The following AASDH variants were observed in gnomAD, a reference collection of about 807,000 sequenced individuals.
AASDH encodes the protein beta-alanine-activating enzyme.
Under a neutral mutation model 102.3 loss-of-function variants are expected in AASDH, and 81 were observed. The ratio of observed to expected loss-of-function variants is 0.79; its 90% confidence interval spans 0.66 to 0.95. The LOEUF is 0.95. Ranked by LOEUF, AASDH falls within the 40% of genes least tolerant of loss-of-function variation. The pLI, the probability that AASDH is intolerant of heterozygous loss-of-function variation, is 0.00. For missense variants in AASDH, 1,203 were observed against 1,266.2 expected, an observed-to-expected ratio of 0.95 and a Z score of 0.76; for synonymous variants, 398 against 454.0, an observed-to-expected ratio of 0.88 and a Z score of 1.57.
intron 5 of AASDH, chr4:56,356,260 A>G (rs4865090): frequency 0.62 from 570,259 of 919,316 alleles, 178,191 homozygotes; most frequent in Admixed American, 0.72. Context: ...GCACTGAGCA[A>G]GACATCCAGC....
At position 56,338,691 on chromosome 4, in the gene AASDH, C is replaced by T. The variant is rs535887461; in HGVS notation, c.3008G>A (p.Cys1003Tyr). Residue 1003 changes from cysteine (C) to tyrosine (Y), a missense_variant, in exon 15 of 15, where the codon TGT becomes TAT. Coordinates refer to ENST00000205214, the MANE Select transcript of AASDH (RefSeq NM_181806.4). ...FFGSHDCFIY[C>Y]CNMKGHLQWK... Reference sequence around the variant, plus strand: ...CTGCAGGTGACCTTTCATGTTACAACAGTAGATAAAGCAATCATGGGAACC... The same window carrying T: ...CTGCAGGTGACCTTTCATGTTACAATAGTAGATAAAGCAATCATGGGAACC... 1.9e-6 allele frequency: 3 copies of T among 1,614,134 alleles called. No individual in the cohort carries two copies. The highest frequency in any genetic ancestry group is 4.5e-5 in the East Asian group (2 of 44,876).
intron 11 of AASDH, among the ~76,000 whole-genome samples, chr4:56,348,474 C>T (rs1014194114): frequency 1.3e-5 from 2 of 152,058 alleles, no homozygotes; most frequent in African/African-American, 4.8e-5. Context: ...AGGCTGGTCT[C>T]GAACTCCTGG....
At chr4:56,385,275 T>C (rs1031139253) in intron 1 of AASDH, among the ~76,000 whole-genome samples, 2 of 152,214 alleles carry the variant, frequency 1.3e-5, no homozygotes, top group Non-Finnish European at 2.9e-5. Flanking sequence ...ATTAATATTT[T>C]ACAGAAGTCA....
At chr4:56,355,502 G>A (rs1577991774) in intron 5 of AASDH, 79 bp from the exon 6 acceptor site, 3 of 1,288,168 alleles carry the variant, frequency 2.3e-6, no homozygotes, top group Non-Finnish European at 3.1e-6. Flanking sequence ...TTATTTCAAA[G>A]TTAACATTTG....
intron 5 of AASDH, among the ~76,000 whole-genome samples, chr4:56,362,877 C>T (rs919632615): frequency 9.9e-5 from 15 of 151,934 alleles, no homozygotes; most frequent in South Asian, 2.1e-4. Context: ...TGGGGAGTGC[C>T]GGACAGTGGG....
intron 5 of AASDH, among the ~76,000 whole-genome samples, chr4:56,363,555 G>A (rs1298187724): frequency 6.6e-6 from 1 of 152,206 alleles, no homozygotes; most frequent in Non-Finnish European, 1.5e-5. Context: ...AGCAGCATTT[G>A]CAGTTCACCA....
At chr4:56,347,382 C>A (rs2109863767) in intron 11 of AASDH, among the ~76,000 whole-genome samples, 1 of 152,252 alleles carries the variant, frequency 6.6e-6, no homozygotes, top group East Asian at 1.9e-4. Flanking sequence ...TAGGATAGCA[C>A]AAGTAGGGAA....
intron 2 of AASDH, 58 bp from the exon 3 acceptor site, chr4:56,382,655 G>GC: frequency 1.9e-6 from 3 of 1,550,036 alleles, no homozygotes; most frequent in Admixed American, 4.3e-5. Context: ...ATTTGTTTAA[G>GC]CATTTCTATT....
chr4:56,368,634 C>T (rs1218863446), intron 5 of AASDH, among the ~76,000 whole-genome samples: 1 of 149,132 alleles, frequency 6.7e-6, no homozygotes, highest in Non-Finnish European at 1.5e-5. Context: ...AAACCAAACA[C>T]CGCATGTTCT....
At chr4:56,353,326 T>G in intron 9 of AASDH, 78 bp downstream of exon 9, 3 of 1,184,760 alleles carry the variant, frequency 2.5e-6, no homozygotes, top group Non-Finnish European at 3.5e-6. Flanking sequence ...AAATAAAGAT[T>G]TATGTTATCA....
chr4:56,339,798 A>T (rs529777492), intron 14 of AASDH, among the ~76,000 whole-genome samples: 13 of 145,412 alleles, frequency 8.9e-5, no homozygotes, highest in African/African-American at 3.0e-4. Flanking sequence ...CTTCTTACAA[A>T]CTATGTATCT....
chr4:56,377,051 A>C (rs907715380), intron 4 of AASDH, among the ~76,000 whole-genome samples: 4 of 140,096 alleles, frequency 2.9e-5, no homozygotes, highest in Non-Finnish European at 6.2e-5. Flanking sequence ...TGGGCGACAG[A>C]GCGAGACTCC....
At position 56,349,496 on chromosome 4, in the gene AASDH, T is replaced by C; in HGVS notation, c.2255A>G (p.Lys752Arg). 2.5e-6 allele frequency: 4 copies of C among 1,614,198 alleles called. No individual in the cohort carries two copies. The highest frequency in any genetic ancestry group is 3.4e-6 in the Non-Finnish European group (4 of 1,180,030). ...CCTCCACCTCACATGTAACTCCATTTTCTGAGTCCCTATCGCAGGTTTCCC... is the reference window on the plus strand; with the variant it reads ...CCTCCACCTCACATGTAACTCCATTCTCTGAGTCCCTATCGCAGGTTTCCC... ...EEGKPAIGTQKMELHVRWRSD... is the reference protein window; with the variant it reads ...EEGKPAIGTQRMELHVRWRSD... Residue 752 changes from lysine to arginine, a missense_variant, in exon 11 of 15, where the codon AAA (lysine) becomes AGA (arginine). By Grantham distance (26) the Lys-to-Arg change is conservative. Transcript: ENST00000205214.
chr4:56,356,724 C>T, intron 5 of AASDH: 1 of 708,716 alleles, frequency 1.4e-6, no homozygotes, highest in East Asian at 2.6e-5. Flanking sequence ...ACAGGAAGAC[C>T]TGTACCACTG....
rs1296718821 is a variant in AASDH at position 56,338,449 on chromosome 4, C to G, written c.3250G>C (p.Asp1084His). The G allele has an allele frequency of 1.9e-6, 3 of 1,613,876 alleles. No homozygotes were observed. Among genetic ancestry groups the G allele is most frequent in the Non-Finnish European group, 2.5e-6 (3 of 1,179,984 alleles). Residue 1084 changes from aspartate to histidine, a missense_variant, in exon 15 of 15, where the codon GAT becomes CAT. Coordinates refer to ENST00000205214, the MANE Select transcript of AASDH (RefSeq NM_181806.4). ...AAATCCAGACAATAAACATAATTAT[C>G]TCTACACCCAATAATGAGCATTGAT... ...LESMLIIGCRDNYVYCLDLLG... is the reference protein window; with the variant it reads ...LESMLIIGCRHNYVYCLDLLG...
intron 5 of AASDH, among the ~76,000 whole-genome samples, chr4:56,361,746 G>A (rs1750320298): frequency 6.6e-6 from 1 of 152,174 alleles, no homozygotes; most frequent in Non-Finnish European, 1.5e-5. Flanking sequence ...GAGGTGGGAT[G>A]AATTGCTTGA....
intron 1 of AASDH, among the ~76,000 whole-genome samples, chr4:56,384,918 A>G (rs570953556): frequency 1.3e-4 from 20 of 152,186 alleles, no homozygotes; most frequent in Admixed American, 1.3e-3. Context: ...TACTAAAAAT[A>G]CAAAAATTAG....
intron 3 of AASDH, 166 bp downstream of exon 3, chr4:56,382,311 G>C (rs1753063389): frequency 1.9e-5 from 12 of 646,746 alleles, no homozygotes; most frequent in Non-Finnish European, 3.0e-5. Flanking sequence ...ATAATATACG[G>C]AACACTCCTC....
chr4:56,361,123 A>C (rs554620069), intron 5 of AASDH, among the ~76,000 whole-genome samples: 103 of 152,258 alleles, frequency 6.8e-4, no homozygotes, highest in African/African-American at 2.0e-3. Context: ...AAAATAAAAA[A>C]AATGGAGGCC....
Sources: gnomAD v4.1 joint callset for allele counts (sites outside exome capture counted in the v4.1 genomes callset) on GRCh38, gnomAD v4.1.1 for gene constraint, MANE v1.5 for transcripts, NCBI Gene and HGNC (gene_info 2026-07-23, HGNC 2026-07-21) for gene names.